The following ACACB variants were observed in gnomAD, a reference collection of about 807,000 sequenced individuals.
The protein encoded by ACACB is acetyl-CoA carboxylase 2.
A neutral mutation model predicts 278.8 loss-of-function variants in ACACB; 209 were observed. The ratio of observed to expected loss-of-function variants is 0.75; its 90% CI spans 0.67 to 0.84. ACACB has a LOEUF of 0.84. ACACB is among the 40% of genes least tolerant of loss of function. The pLI is 0.00. For synonymous variants in ACACB, 1,174 were observed against 1,285.6 expected (o/e 0.91, Z 1.86); for missense variants, 2,850 against 3,269.0 (o/e 0.87, Z 3.13).
rs985569218 is a variant in ACACB at position 109,264,360 on chromosome 12, C to G, written c.6916C>G (p.Arg2306Gly). 1.2e-5 allele frequency: 20 copies of G among 1,613,668 alleles called. No individual in the cohort carries two copies. Among genetic ancestry groups the G allele is most frequent in the Non-Finnish European group, 1.6e-5 (19 of 1,179,912 alleles). The change falls in exon 50 of 53, where the codon CGG becomes GGG. Residue 2306 changes from arginine (R) to glycine (G), a missense_variant. Arg to Gly is a moderately radical substitution (Grantham distance 125). Around this residue, in one of 3 missense-constraint regions of ACACB, gnomAD observed 579 missense variants for 684.6 expected, o/e 0.85. Coordinates refer to ENST00000338432, the MANE Select transcript of ACACB (RefSeq NM_001093.4). ...QFADFHDTPGRMLEKGVISDI... is the reference protein window; with the variant it reads ...QFADFHDTPGGMLEKGVISDI... ...CGCCGACTTCCATGACACACCCGGCCGGATGCTGGAGAAGGGCGTCATATC... is the reference window on the plus strand; with the variant it reads ...CGCCGACTTCCATGACACACCCGGCGGGATGCTGGAGAAGGGCGTCATATC...
rs1462514600 is a variant in ACACB, at chr12:109,140,235, C to CTTCT, written c.653+180_653+181insTTTC. Among the ~76,000 whole-genome samples, 43 of 125,546 alleles carry CTTCT rather than the reference C, an allele frequency of 3.4e-4. 5 individuals are homozygous for CTTCT. Among genetic ancestry groups the CTTCT allele is most frequent in the African/African-American group, 9.6e-4 (33 of 34,422 alleles). 82.4% of individuals were successfully genotyped at this position (125,546 alleles called of 152,430 possible). The stretch of plus-strand genomic sequence containing the variant: ...AGAAGTTTCCTTCCTTCCTTCCTTC[C>CTTCT]TTCCTTCCTTCCTTCCTTCCATCCT... On this transcript the variant is annotated intron_variant, in intron 2 of 52. Transcript: ENST00000338432.
chr12:109,188,209 CCT>C (rs1267334521), intron 13 of ACACB, 47 bp downstream of exon 13: 5 of 1,375,042 alleles, frequency 3.6e-6, no homozygotes, highest in African/African-American at 2.9e-5. Context: ...TTCCTTCCTT[CCT>C]TCCTTCCTTC....
At chr12:109,135,900 C>T (rs1271128564) in intron 1 of ACACB, among the ~76,000 whole-genome samples, 1 of 151,386 alleles carries the variant, frequency 6.6e-6, no homozygotes, top group Non-Finnish European at 1.5e-5. Context: ...AGCTCTGCCT[C>T]CCGGGTTCAC....
Position 109,139,511 on chromosome 12 carries a change from A to G in ACACB, c.106A>G (p.Lys36Glu). 6.2e-7 allele frequency: 1 copy of G among 1,614,206 alleles called. No individual in the cohort carries two copies. Among genetic ancestry groups the G allele is most frequent in the Non-Finnish European group, 8.5e-7 (1 of 1,180,032 alleles). ...MTDSKPITKS[K>E]SEANLIPSQE... ...GGACTCCAAGCCGATCACCAAGAGT[A>G]AATCAGAAGCAAACCTCATCCCGAG... Residue 36 changes from lysine to glutamate, a missense_variant, in exon 2 of 53, where the codon AAA becomes GAA. Lys to Glu is a moderately conservative substitution (Grantham distance 56). Coordinates refer to ENST00000338432, the MANE Select transcript of ACACB (RefSeq NM_001093.4).
chr12:109,190,119 CAAA>C (rs767232163), intron 13 of ACACB, among the ~76,000 whole-genome samples: 6 of 150,956 alleles, frequency 4.0e-5, no homozygotes, highest in Non-Finnish European at 7.4e-5. Flanking sequence ...CTCAAAAAAA[CAAA>C]AAAAAGAAAA....
At chr12:109,124,931 G>A (rs1424753950) in intron 1 of ACACB, among the ~76,000 whole-genome samples, 1 of 152,080 alleles carries the variant, frequency 6.6e-6, no homozygotes, top group Non-Finnish European at 1.5e-5. Flanking sequence ...GCCCAGGCTG[G>A]TCTCAAACCT....
Position 109,139,708 on chromosome 12 carries a change from A to G in ACACB, c.303A>G (p.Arg101=), listed in dbSNP as rs761186241. Residue 101 remains arginine, a synonymous_variant, in exon 2 of 53, where the codon AGA becomes AGG. Coordinates refer to ENST00000338432, the MANE Select transcript of ACACB (RefSeq NM_001093.4). ...SLPPSHQKPP[R]NPLSSSDAAP... ...CACCCTCCCACCAGAAGCCCCCAAG[A>G]AACCCCCTTTCTTCCAGTGACGCAG... The G allele has an allele frequency of 2.5e-6, 4 of 1,613,888 alleles. No individual in the cohort carries two copies. Among genetic ancestry groups the G allele is most frequent in the Non-Finnish European group, 3.4e-6 (4 of 1,179,982 alleles).
chr12:109,191,620 G>C lies in ACACB; in HGVS notation c.2152G>C (p.Val718Leu). ...TGTGCCTTTCCCTTCAAGGAACATG[G>C]TGGTGGCTTTGAAGGAACTGTCCAT... ...ENREEAISNM[V>L]VALKELSIRG... is the part of the protein sequence containing the mutation. Residue 718 changes from valine (V) to leucine (L), a missense_variant, in exon 14 of 53, where the codon GTG becomes CTG. Around this residue, in one of 3 missense-constraint regions of ACACB, gnomAD observed 2,265 missense variants for 2,561.3 expected, o/e 0.88. Transcript: ENST00000338432. The C allele has an allele frequency of 3.7e-6, 6 of 1,614,154 alleles. No individual in the cohort carries two copies. The highest frequency in any genetic ancestry group is 5.1e-6 in the Non-Finnish European group (6 of 1,180,020).
intron 52 of ACACB, among the ~76,000 whole-genome samples, 161 bp from the exon 53 acceptor site, chr12:109,266,075 G>A (rs1565989974): frequency 6.6e-6 from 1 of 152,230 alleles, no homozygotes; most frequent in East Asian, 1.9e-4. Flanking sequence ...TCAGGTCACA[G>A]CCCCTCCTGC....
Position 109,191,917 on chromosome 12 carries a change from C to G in ACACB, c.2366C>G (p.Thr789Arg), listed in dbSNP as rs749816455. 3.1e-6 allele frequency: 5 copies of G among 1,614,142 alleles called. No individual in the cohort carries two copies. In the East Asian group the frequency reaches 8.9e-5, roughly 29 times the overall value. Residue 789 changes from threonine to arginine, a missense_variant, in exon 15 of 53, where the codon ACG (threonine) becomes AGG (arginine). By Grantham distance (71) the Thr-to-Arg change is moderately conservative (BLOSUM62 -1). This residue lies in a region of ACACB where 2,265 missense variants were observed against 2,561.3 expected (regional missense o/e 0.88). Coordinates refer to ENST00000338432, the MANE Select transcript of ACACB (RefSeq NM_001093.4). ...AACGTGGCCGATGCGATGTTCAGAA[C>G]GTGCATGACAGATTTCTTACACTCC... ...ALNVADAMFR[T>R]CMTDFLHSLE...
Position 109,176,178 on chromosome 12 carries a change from T to G in ACACB, c.1352T>G (p.Leu451Trp). ...LEAAERIGFP[L>W]MIKASEGGGG... ...GCAGCAGAAAGAATTGGTTTTCCAT[T>G]GATGATCAAAGCTTCTGAAGGTGGC... The change falls in exon 9 of 53, where the codon TTG becomes TGG. Residue 451 changes from leucine (L) to tryptophan (W), a missense_variant. This residue lies in a region of ACACB where 2,265 missense variants were observed against 2,561.3 expected (regional missense o/e 0.88). Transcript: ENST00000338432. 6.2e-7 allele frequency: 1 copy of G among 1,614,206 alleles called. No homozygotes were observed. The highest frequency in any genetic ancestry group is 8.5e-7 in the Non-Finnish European group (1 of 1,180,040).
chr12:109,230,322 G>C (rs1444843869), intron 28 of ACACB, among the ~76,000 whole-genome samples: 1 of 152,210 alleles, frequency 6.6e-6, no homozygotes, highest in East Asian at 1.9e-4. Context: ...AGAGAAAGGG[G>C]ACTGACTGCT....
At chr12:109,193,509 C>G in intron 15 of ACACB, 139 bp from the exon 16 acceptor site, 1 of 673,742 alleles carries the variant, frequency 1.5e-6, no homozygotes, top group Non-Finnish European at 2.6e-6. Flanking sequence ...TGAGCCATTG[C>G]GCCCAGCCCA....
intron 2 of ACACB, among the ~76,000 whole-genome samples, chr12:109,164,958 A>G (rs755466024): frequency 4.2e-4 from 64 of 152,160 alleles, no homozygotes; most frequent in Admixed American, 2.6e-4. Context: ...GAAGAGCAAC[A>G]CACAGGAGAC....
At chr12:109,226,529 G>A (rs1421918884) in intron 27 of ACACB, among the ~76,000 whole-genome samples, 8 of 151,460 alleles carry the variant, frequency 5.3e-5, no homozygotes, top group South Asian at 2.1e-4. Context: ...GAGAAACCCC[G>A]TCTCTACTAA....
Position 109,233,752 on chromosome 12 carries a change from T to C in ACACB, c.4144T>C (p.Phe1382Leu), listed in dbSNP as rs1327136003. ...CCTCTCTACCCGCACCCCCAGAAAT[T>C]TTGATGAAGTCATCTCTTGCTTCGC... ...FRRFEDFTRNFDEVISCFANV... is the reference protein window; with the variant it reads ...FRRFEDFTRNLDEVISCFANV... Residue 1382 changes from phenylalanine to leucine, a missense_variant, in exon 30 of 53, where the codon TTT (phenylalanine) becomes CTT (leucine). Around this residue, in one of 3 missense-constraint regions of ACACB, gnomAD observed 2,265 missense variants for 2,561.3 expected, o/e 0.88. Coordinates refer to ENST00000338432, the MANE Select transcript of ACACB (RefSeq NM_001093.4). 1 of 1,614,040 alleles carries C rather than the reference T, an allele frequency of 6.2e-7. No individual in the cohort carries two copies. Among genetic ancestry groups the C allele is most frequent in the Admixed American group, 1.7e-5 (1 of 60,000 alleles).
chr12:109,174,172 C>T lies in ACACB; in HGVS notation c.1158C>T (p.Ile386=), dbSNP rs762104337. 37 of 1,613,160 alleles carry T rather than the reference C, an allele frequency of 2.3e-5. No homozygotes were observed. Among genetic ancestry groups the T allele is most frequent in the Middle Eastern group, 1.6e-4 (1 of 6,082 alleles). ...SEAMWALGDK[I]ASTVVAQTLQ... is the part of the protein sequence containing the mutation. ...CCATGTGGGCCTTAGGAGATAAGAT[C>T]GCCTCCACCGTTGTCGCCCAGACGC... The change falls in exon 7 of 53, where the codon ATC becomes ATT. Residue 386 remains isoleucine (I), a synonymous_variant. Coordinates refer to ENST00000338432, the MANE Select transcript of ACACB (RefSeq NM_001093.4).
chr12:109,181,979 G>T (rs960014249), intron 11 of ACACB, among the ~76,000 whole-genome samples: 1 of 150,954 alleles, frequency 6.6e-6, no homozygotes, highest in Non-Finnish European at 1.5e-5. Context: ...GAGTAGCTGG[G>T]ACTACAGGCG....
intron 2 of ACACB, among the ~76,000 whole-genome samples, chr12:109,166,316 A>G (rs966404492): frequency 6.6e-6 from 1 of 152,146 alleles, no homozygotes; most frequent in Non-Finnish European, 1.5e-5. Flanking sequence ...TTAGGATTAA[A>G]AATCTAAACA....
Sources: gnomAD v4.1 joint callset for allele counts (sites outside exome capture counted in the v4.1 genomes callset) on GRCh38, gnomAD v4.1.1 for gene constraint, gnomAD v4.1.1 regional missense constraint, MANE v1.5 for transcripts, NCBI Gene and HGNC (gene_info 2026-07-23, HGNC 2026-07-21) for gene names.